Variants in ITGA9 observed in about 807,000 individuals in gnomAD.
ITGA9 encodes the protein integrin alpha-9.
In ITGA9, 56 loss-of-function variants were observed where a neutral mutation model predicts 127.8. The observed-to-expected ratio is 0.44, with a 90% confidence interval of 0.35 to 0.55. ITGA9 has a LOEUF of 0.55. Ranked by LOEUF, ITGA9 falls within the 20% of genes least tolerant of loss-of-function variation. ITGA9 has a pLI of 0.00. For missense variants in ITGA9, 1,196 were observed against 1,347.1 expected (o/e 0.89, Z 1.76); for synonymous variants, 508 against 514.5 (o/e 0.99, Z 0.17).
intron 8 of ITGA9, 86 bp downstream of exon 8, chr3:37,508,713 G>A: frequency 9.7e-7 from 1 of 1,036,034 alleles, no homozygotes; most frequent in Non-Finnish European, 1.5e-6. Context: ...TTGGTTTGAA[G>A]GCCCTACCTG....
intron 18 of ITGA9, among the ~76,000 whole-genome samples, chr3:37,724,947 C>A (rs548686645): frequency 6.6e-6 from 1 of 152,154 alleles, no homozygotes; most frequent in Non-Finnish European, 1.5e-5. Flanking sequence ...TATGTTAAGA[C>A]CCCAGGAAGG....
chr3:37,650,591 C>A (rs1700420400), intron 16 of ITGA9, among the ~76,000 whole-genome samples: 2 of 152,012 alleles, frequency 1.3e-5, no homozygotes, highest in South Asian at 4.2e-4. Context: ...ACCACCACAC[C>A]CGGCTAATTT....
At chr3:37,689,742 C>G (rs938440871) in intron 18 of ITGA9, among the ~76,000 whole-genome samples, 6 of 152,208 alleles carry the variant, frequency 3.9e-5, no homozygotes, top group African/African-American at 1.4e-4. Context: ...CTCTATGGCC[C>G]TGGAGTCAAG....
chr3:37,533,205 T>G (rs1445756198), intron 13 of ITGA9, 109 bp from the exon 14 acceptor site: 2 of 1,021,160 alleles, frequency 2.0e-6, no homozygotes, highest in African/African-American at 1.6e-5. Flanking sequence ...CATGCTTTAA[T>G]TAAATGCTGG....
chr3:37,616,040 C>G (rs1204248074), intron 15 of ITGA9, among the ~76,000 whole-genome samples: 1 of 152,160 alleles, frequency 6.6e-6, no homozygotes, highest in African/African-American at 2.4e-5. Flanking sequence ...TTCTCTAGTT[C>G]TTTTAATTGT....
intron 14 of ITGA9, among the ~76,000 whole-genome samples, chr3:37,537,226 G>A (rs1485913644): frequency 6.6e-6 from 1 of 152,126 alleles, no homozygotes; most frequent in South Asian, 2.1e-4. Flanking sequence ...GAGAATGGGG[G>A]GAAAATTGAA....
intron 15 of ITGA9, among the ~76,000 whole-genome samples, chr3:37,604,286 A>G (rs1699947312): frequency 6.6e-6 from 1 of 152,256 alleles, no homozygotes; most frequent in Non-Finnish European, 1.5e-5. Context: ...CTAAGTAGTC[A>G]TGAGTCGAAT....
chr3:37,701,853 A>G (rs1055775653), intron 18 of ITGA9, among the ~76,000 whole-genome samples: 1 of 152,206 alleles, frequency 6.6e-6, no homozygotes, highest in African/African-American at 2.4e-5. Context: ...AATACAGAGC[A>G]GCAGTTCACG....
At chr3:37,525,906 G>T in intron 12 of ITGA9, 120 bp from the exon 13 acceptor site, 1 of 797,752 alleles carries the variant, frequency 1.3e-6, no homozygotes. Context: ...CCCAGACAGT[G>T]GTCGTCTGAG....
chr3:37,685,871 A>AT (rs1334859857), intron 18 of ITGA9, among the ~76,000 whole-genome samples: 1 of 152,132 alleles, frequency 6.6e-6, no homozygotes, highest in African/African-American at 2.4e-5. Context: ...TAGTCTTACT[A>AT]TTTTATAAAC....
At chr3:37,669,952 T>A (rs922517179) in intron 17 of ITGA9, among the ~76,000 whole-genome samples, 3 of 152,158 alleles carry the variant, frequency 2.0e-5, no homozygotes, top group African/African-American at 7.2e-5. Flanking sequence ...AGGGGACAGA[T>A]GATGTTCAGT....
intron 7 of ITGA9, among the ~76,000 whole-genome samples, chr3:37,508,097 T>G (rs1698863966): frequency 6.6e-6 from 1 of 152,254 alleles, no homozygotes; most frequent in Non-Finnish European, 1.5e-5. Flanking sequence ...GAAATCACTT[T>G]GGGAAACTGC....
intron 23 of ITGA9, among the ~76,000 whole-genome samples, chr3:37,774,298 C>T (rs896688537): frequency 6.6e-6 from 1 of 152,174 alleles, no homozygotes; most frequent in Admixed American, 6.5e-5. Context: ...CTCATTGCCT[C>T]CTTCCCATTG....
chr3:37,628,298 G>A (rs1008928123), intron 15 of ITGA9, among the ~76,000 whole-genome samples: 35 of 152,124 alleles, frequency 2.3e-4, no homozygotes, highest in African/African-American at 8.5e-4. Context: ...CTCAGAATGT[G>A]GGACCACCTA....
At chr3:37,693,978 G>A (rs1405820057) in intron 18 of ITGA9, among the ~76,000 whole-genome samples, 1 of 152,226 alleles carries the variant, frequency 6.6e-6, no homozygotes, top group South Asian at 2.1e-4. Context: ...TGAACTTGCT[G>A]CTTGCCCTGG....
intron 15 of ITGA9, among the ~76,000 whole-genome samples, chr3:37,569,300 A>C (rs906196341): frequency 4.6e-5 from 7 of 152,222 alleles, no homozygotes; most frequent in African/African-American, 1.7e-4. Flanking sequence ...ACCTGTCCCC[A>C]TGATTCAGTT....
chr3:37,484,946 T>G (rs558499289), intron 4 of ITGA9, among the ~76,000 whole-genome samples: 24 of 152,340 alleles, frequency 1.6e-4, no homozygotes, highest in South Asian at 8.3e-4. Flanking sequence ...AGCAAGTGTT[T>G]GTTAATCATC....
At chr3:37,748,523 G>A (rs780870038) in intron 22 of ITGA9, 23 of 489,912 alleles carry the variant, frequency 4.7e-5, no homozygotes, top group African/African-American at 7.9e-5. Context: ...CGAGGCAGGC[G>A]GATCACCTGA....
intron 17 of ITGA9, among the ~76,000 whole-genome samples, chr3:37,675,892 C>T (rs2212028): frequency 0.011 from 1,626 of 151,808 alleles, 29 homozygotes; most frequent in African/African-American, 0.036. Flanking sequence ...TACAGGTGTG[C>T]ACCACCACAC....
Sources: allele counts gnomAD v4.1 joint callset (sites outside exome capture counted in the v4.1 genomes callset), GRCh38; gene constraint gnomAD v4.1.1; transcripts MANE v1.5; gene names NCBI Gene and HGNC (gene_info 2026-07-23, HGNC 2026-07-21).